The following RMST variants were observed in gnomAD, a reference collection of about 807,000 sequenced individuals.
RMST encodes rhabdomyosarcoma 2 associated transcript, also known as long intergenic non-protein coding RNA 54.
In RMST at chr12:97,562,441, T is replaced by C. The variant is rs577942496; in HGVS notation, n.1958+1394T>C. 1.2e-3 allele frequency among the ~76,000 whole-genome samples: 175 copies of C among 150,690 alleles called. 3 individuals carry two copies. Among genetic ancestry groups the C allele is most frequent in the Middle Eastern group, 6.8e-3 (2 of 294 alleles). ...ACCCCTTCCCTAATGGAAGGAGAGA[T>C]GTGGTAGAGGAGCGGTGGGGGTTGG... On this transcript the variant is annotated intron_variant and non_coding_transcript_variant, in intron 13 of 13. Coordinates refer to ENST00000640149, the Ensembl canonical transcript of RMST.
At chr12:97,535,815 G>T (rs1226754332) in intron 11 of RMST, among the ~76,000 whole-genome samples, 1 of 151,622 alleles carries the variant, frequency 6.6e-6, no homozygotes, top group Non-Finnish European at 1.5e-5. Context: ...AGTATGAGAA[G>T]AGGGAGTTTA....
At position 97,511,563 on chromosome 12, in the gene RMST, T is replaced by C. The variant is rs541876726; in HGVS notation, n.1340+15507T>C. Among the ~76,000 whole-genome samples, 6 of 152,354 alleles carry C rather than the reference T, an allele frequency of 3.9e-5. No homozygotes were observed. The South Asian group carries it at 6.2e-4, about 16-fold the overall frequency. On this transcript the variant is annotated intron_variant and non_coding_transcript_variant, in intron 10 of 13. Transcript: ENST00000640149. Reference sequence around the variant, plus strand: ...ACTGCATAAGGTAGTGAAAGGAATATAGGATTTGAATTCTGAAGTATCTGA... The same window carrying C: ...ACTGCATAAGGTAGTGAAAGGAATACAGGATTTGAATTCTGAAGTATCTGA...
At chr12:97,473,406 T>A (rs1874168298) in intron 5 of RMST, among the ~76,000 whole-genome samples, 1 of 152,112 alleles carries the variant, frequency 6.6e-6, no homozygotes, top group African/African-American at 2.4e-5. Context: ...CTTGGTGGAT[T>A]TATTGGTGCC....
At chr12:97,495,411 A>T (rs1877297183) in intron 9 of RMST, among the ~76,000 whole-genome samples, 1 of 152,174 alleles carries the variant, frequency 6.6e-6, no homozygotes, top group Non-Finnish European at 1.5e-5. Context: ...TGGCGAGATG[A>T]TGGAGAAGCT....
intron 13 of RMST, among the ~76,000 whole-genome samples, chr12:97,561,328 CA>C (rs1174779716): frequency 2.0e-5 from 3 of 152,104 alleles, no homozygotes; most frequent in Non-Finnish European, 1.5e-5. Flanking sequence ...AGTGCATGTC[CA>C]GTAGTTTATG....
chr12:97,479,683 C>T (rs1163912179), intron 5 of RMST, among the ~76,000 whole-genome samples: 1 of 152,110 alleles, frequency 6.6e-6, no homozygotes, highest in Non-Finnish European at 1.5e-5. Flanking sequence ...TGCCTCCTTC[C>T]TGGACTTCCC....
At chr12:97,507,307 ACT>A (rs1403149480) in intron 10 of RMST, among the ~76,000 whole-genome samples, 3 of 149,276 alleles carry the variant, frequency 2.0e-5, no homozygotes, top group African/African-American at 7.6e-5. Flanking sequence ...AAGATGGCTA[ACT>A]CTGCCAACCA....
chr12:97,512,318 G>A (rs935136518), intron 10 of RMST, among the ~76,000 whole-genome samples: 1 of 152,166 alleles, frequency 6.6e-6, no homozygotes, highest in African/African-American at 2.4e-5. Flanking sequence ...GTGAGCAGCA[G>A]CAAGATTTAT....
chr12:97,544,860 T>G (rs1330365950), intron 11 of RMST, among the ~76,000 whole-genome samples: 2 of 152,080 alleles, frequency 1.3e-5, no homozygotes, highest in Non-Finnish European at 2.9e-5. Flanking sequence ...ATTTGTTACC[T>G]AATATGATAG....
intron 13 of RMST, chr12:97,563,506 G>A (rs747642135): frequency 4.2e-5 from 12 of 286,588 alleles, no homozygotes; most frequent in African/African-American, 9.1e-5. Flanking sequence ...CTGTCTTTCC[G>A]TATGTGTTTC....
At chr12:97,516,377 A>G (rs1879932254) in intron 10 of RMST, among the ~76,000 whole-genome samples, 1 of 151,948 alleles carries the variant, frequency 6.6e-6, no homozygotes, top group African/African-American at 2.4e-5. Context: ...GCAGTACATA[A>G]CTTATTCATC....
chr12:97,508,269 G>A (rs1433163058), intron 10 of RMST, among the ~76,000 whole-genome samples: 3 of 152,264 alleles, frequency 2.0e-5, no homozygotes, highest in Non-Finnish European at 4.4e-5. Flanking sequence ...AGAAGGGAAA[G>A]ATGTTTATAA....
intron 10 of RMST, among the ~76,000 whole-genome samples, chr12:97,509,436 C>T (rs1879052809): frequency 6.6e-6 from 1 of 152,150 alleles, no homozygotes; most frequent in African/African-American, 2.4e-5. Context: ...AGTCCAAATA[C>T]ATCACTTTAT....
At chr12:97,550,933 C>A (rs1883267191) in intron 11 of RMST, among the ~76,000 whole-genome samples, 1 of 152,120 alleles carries the variant, frequency 6.6e-6, no homozygotes, top group Non-Finnish European at 1.5e-5. Flanking sequence ...ACATATATAA[C>A]CTCTAATTGT....
chr12:97,517,011 C>A (rs1247295127), intron 10 of RMST, among the ~76,000 whole-genome samples: 1 of 151,828 alleles, frequency 6.6e-6, no homozygotes. Flanking sequence ...ATCATAATTA[C>A]ATAATTTAGC....
intron 10 of RMST, among the ~76,000 whole-genome samples, chr12:97,528,095 T>C (rs1881288769): frequency 6.6e-6 from 1 of 152,152 alleles, no homozygotes; most frequent in Non-Finnish European, 1.5e-5. Flanking sequence ...ATTTTACAGA[T>C]GGAGTCTTTG....
At chr12:97,467,019 C>T (rs1274499388) in intron 5 of RMST, among the ~76,000 whole-genome samples, 1 of 151,872 alleles carries the variant, frequency 6.6e-6, no homozygotes, top group Non-Finnish European at 1.5e-5. Flanking sequence ...GCATGCAAGT[C>T]AGAGAAAGCT....
At chr12:97,559,529 AG>A (rs537945791) in intron 11 of RMST, among the ~76,000 whole-genome samples, 4 of 152,124 alleles carry the variant, frequency 2.6e-5, no homozygotes, top group Non-Finnish European at 4.4e-5. Flanking sequence ...ATATCCATAT[AG>A]ACCTAGATCA....
chr12:97,487,997 T>C (rs978071097), intron 5 of RMST, among the ~76,000 whole-genome samples: 15 of 152,198 alleles, frequency 9.9e-5, no homozygotes, highest in Non-Finnish European at 1.6e-4. Context: ...AAACTGCTGC[T>C]CACTCTGTGA....
Sources: gnomAD v4.1 joint callset for allele counts (sites outside exome capture counted in the v4.1 genomes callset) on GRCh38, gnomAD v4.1.1 for gene constraint, MANE v1.5 for transcripts, NCBI Gene and HGNC (gene_info 2026-07-23, HGNC 2026-07-21) for gene names.